The following CERKL variants were observed in gnomAD, a reference collection of about 807,000 sequenced individuals.
CERKL encodes CERK like autophagy regulator, also known as ceramide kinase-like protein.
CERKL carries 61 observed loss-of-function variants against 63.4 expected under a neutral mutation model. That is an observed-to-expected ratio of 0.96 (90% CI 0.78 to 1.19). The LOEUF is 1.19. Among genes scored for constraint, CERKL ranks in the 50% most tolerant of loss-of-function variants. The probability of loss-of-function intolerance (pLI) is 0.00; values close to 1 mark genes in which losing one functional copy is unlikely to be tolerated. For missense variants in CERKL, 675 were observed against 655.5 expected (o/e 1.03, Z -0.33); for synonymous variants, 250 against 230.5 (o/e 1.08, Z -0.77).
intron 1 of CERKL, among the ~76,000 whole-genome samples, chr2:181,612,282 T>G (rs1686001048): frequency 6.6e-6 from 1 of 152,202 alleles, no homozygotes. Context: ...TATTAAGGTA[T>G]AAATTACCAA....
chr2:181,549,542 CT>C lies in CERKL; in HGVS notation c.895+91del, dbSNP rs896363681. The C allele has an allele frequency of 5.6e-5, 58 of 1,036,674 alleles. 1 individual carries two copies. In the African/African-American group the frequency reaches 7.6e-4, roughly 14 times the overall value. The allele number at this position is 1,036,674 out of a possible 1,614,324, so 64.2% of individuals were successfully genotyped here. A position where few individuals can be genotyped will look rare whatever the true frequency, so the allele number is the denominator to read the frequency against. Reference sequence around the variant, plus strand: ...CTACTCTAAGAGACAAAGAACCTGCCTTTTCTTAAAGTCTGATGGAAATAAG... The same window carrying C: ...CTACTCTAAGAGACAAAGAACCTGCCTTTCTTAAAGTCTGATGGAAATAAG... On this transcript the variant is annotated intron_variant, in intron 6 of 12. Coordinates refer to ENST00000410087, the MANE Select transcript of CERKL (RefSeq NM_201548.5).
intron 1 of CERKL, among the ~76,000 whole-genome samples, chr2:181,653,232 G>T (rs968028206): frequency 2.0e-5 from 3 of 152,178 alleles, no homozygotes; most frequent in Admixed American, 6.5e-5. Context: ...CAGTTAGAAT[G>T]GCTATTGCCA....
intron 3 of CERKL, among the ~76,000 whole-genome samples, chr2:181,567,862 C>T (rs564614101): frequency 3.3e-5 from 5 of 152,194 alleles, no homozygotes; most frequent in South Asian, 2.1e-4. Flanking sequence ...CTATTGTGGG[C>T]CCTGGAATCA....
chr2:181,622,187 T>C (rs1328220928), intron 1 of CERKL, among the ~76,000 whole-genome samples: 1 of 152,178 alleles, frequency 6.6e-6, no homozygotes, highest in African/African-American at 2.4e-5. Context: ...ATGTCTTCAA[T>C]AATGGCTGTT....
chr2:181,543,328 C>T (rs1374260214), intron 11 of CERKL, among the ~76,000 whole-genome samples: 2 of 152,060 alleles, frequency 1.3e-5, no homozygotes, highest in East Asian at 3.9e-4. Flanking sequence ...CTTTGAAAAT[C>T]AATAAATCTC....
chr2:181,564,021 C>T (rs1688557664), intron 4 of CERKL, among the ~76,000 whole-genome samples: 1 of 152,050 alleles, frequency 6.6e-6, no homozygotes, highest in South Asian at 2.1e-4. Context: ...TGAAACTGTT[C>T]CACCTCAGAT....
chr2:181,612,648 A>T (rs1232568220), intron 1 of CERKL, among the ~76,000 whole-genome samples: 1 of 152,114 alleles, frequency 6.6e-6, no homozygotes, highest in Non-Finnish European at 1.5e-5. Context: ...ACTTTTAAAA[A>T]AAACTAATGT....
intron 2 of CERKL, among the ~76,000 whole-genome samples, chr2:181,593,429 A>C (rs890111546): frequency 1.8e-4 from 28 of 152,274 alleles, no homozygotes; most frequent in Non-Finnish European, 3.4e-4. Flanking sequence ...TGGAGTTAGG[A>C]CTTGAAAGTC....
intron 2 of CERKL, among the ~76,000 whole-genome samples, chr2:181,589,156 TTAAATA>T (rs1437200480): frequency 5.9e-5 from 9 of 152,140 alleles, no homozygotes; most frequent in African/African-American, 1.4e-4. Context: ...ATTGCCAGAC[TTAAATA>T]TAAATATTTC....
chr2:181,543,736 G>A lies in CERKL; in HGVS notation c.1365+964C>T, dbSNP rs1687607320. 3.3e-5 allele frequency among the ~76,000 whole-genome samples: 5 copies of A among 152,202 alleles called. No individual in the cohort carries two copies. In the South Asian group the frequency reaches 1.0e-3, roughly 32 times the overall value. ...GTGGTGGCTCACGCCTGTAATCCCAGCACTTTGGGAGGCCGAGGTGGACAC... is the reference window on the plus strand; with the variant it reads ...GTGGTGGCTCACGCCTGTAATCCCAACACTTTGGGAGGCCGAGGTGGACAC... On this transcript the variant is annotated intron_variant, in intron 11 of 12. Coordinates refer to ENST00000410087, the MANE Select transcript of CERKL (RefSeq NM_201548.5).
intron 2 of CERKL, chr2:181,603,045 G>A (rs1038562743): frequency 5.1e-6 from 1 of 197,882 alleles, no homozygotes; most frequent in Admixed American, 5.4e-5. Context: ...AGAAATTTCA[G>A]ATACACTGAA....
intron 1 of CERKL, among the ~76,000 whole-genome samples, chr2:181,622,729 G>A (rs1190220416): frequency 6.6e-6 from 1 of 152,106 alleles, no homozygotes; most frequent in Non-Finnish European, 1.5e-5. Context: ...CTTAAAAATT[G>A]TTCAAATGTC....
chr2:181,602,492 T>G (rs1243424805), intron 2 of CERKL, among the ~76,000 whole-genome samples: 1 of 152,234 alleles, frequency 6.6e-6, no homozygotes, highest in Non-Finnish European at 1.5e-5. Context: ...TCCAGAGAGA[T>G]AAACTAAACT....
Position 181,604,069 on chromosome 2 carries a change from C to T in CERKL, c.249G>A (p.Lys83=). The T allele has an allele frequency of 4.4e-6, 7 of 1,596,350 alleles. No homozygotes were observed. The highest frequency in any genetic ancestry group is 5.1e-6 in the Non-Finnish European group (6 of 1,165,580). The change falls in exon 2 of 13, where the codon AAG becomes AAA. Residue 83 remains lysine (K), a synonymous_variant. Coordinates refer to ENST00000410087, the MANE Select transcript of CERKL (RefSeq NM_201548.5). ...IQPERPAGDS[K]YDLLCKEEFI... ...ATTCTTCTTTACATAGCAAGTCATA[C>T]TTAGAATCACCTGAAAAAAAAATAA...
At chr2:181,586,688 T>C (rs1684783074) in intron 2 of CERKL, among the ~76,000 whole-genome samples, 1 of 152,182 alleles carries the variant, frequency 6.6e-6, no homozygotes. Flanking sequence ...TGTTCCTCTG[T>C]TGGTAACAAA....
At chr2:181,601,581 A>T (rs1158402476) in intron 2 of CERKL, among the ~76,000 whole-genome samples, 3 of 152,086 alleles carry the variant, frequency 2.0e-5, no homozygotes, top group Non-Finnish European at 4.4e-5. Flanking sequence ...AATAAACAAA[A>T]TTTTTTAAAA....
intron 4 of CERKL, among the ~76,000 whole-genome samples, chr2:181,563,415 T>A (rs1182885104): frequency 2.0e-5 from 3 of 152,204 alleles, no homozygotes; most frequent in Non-Finnish European, 4.4e-5. Context: ...CTTTACTAAA[T>A]ACTATACATA....
At chr2:181,620,806 GA>G (rs1420373270) in intron 1 of CERKL, among the ~76,000 whole-genome samples, 2 of 152,170 alleles carry the variant, frequency 1.3e-5, no homozygotes, top group Admixed American at 6.5e-5. Context: ...GAAACTGTCA[GA>G]AGCCTTGTTG....
rs1190589178 is a variant in CERKL at position 181,548,576 on chromosome 2, G to T, written c.1102C>A (p.Pro368Thr). ...TGCACATCATCAGAGCTGTTAAATGGTAAAAATGATATTTCACAGTCTTCT... is the reference window on the plus strand; with the variant it reads ...TGCACATCATCAGAGCTGTTAAATGTTAAAAATGATATTTCACAGTCTTCT... ...KAEDCEISFL[P>T]FNSSDDVQER... The change falls in exon 8 of 13, where the codon CCA becomes ACA. Residue 368 changes from proline to threonine, a missense_variant. By Grantham distance (38) the Pro-to-Thr change is conservative (BLOSUM62 -1). Transcript: ENST00000410087. 1 of 1,612,486 alleles carries T rather than the reference G, an allele frequency of 6.2e-7. No individual in the cohort carries two copies. Among genetic ancestry groups the T allele is most frequent in the East Asian group, 2.2e-5 (1 of 44,782 alleles).
Sources: gnomAD v4.1 joint callset for allele counts (sites outside exome capture counted in the v4.1 genomes callset) on GRCh38, gnomAD v4.1.1 for gene constraint, MANE v1.5 for transcripts, NCBI Gene and HGNC (gene_info 2026-07-23, HGNC 2026-07-21) for gene names.